The following IRS1 variants were observed in gnomAD, a reference collection of about 807,000 sequenced individuals.
IRS1 encodes insulin receptor substrate 1.
IRS1 carries 34 observed loss-of-function variants against 65.6 expected under a neutral mutation model. That is an observed-to-expected ratio of 0.52 (90% CI 0.39 to 0.69). IRS1 has a LOEUF of 0.69. IRS1 is among the 30% of genes least tolerant of loss of function. IRS1 has a pLI of 0.00. For synonymous variants in IRS1, 699 were observed against 683.5 expected (o/e 1.02, Z -0.35); for missense variants, 1,641 against 1,720.2 (o/e 0.95, Z 0.81).
In IRS1 at chr2:226,772,376, G is replaced by T. The variant is rs115730618; in HGVS notation, c.*21+22613C>A. Among the ~76,000 whole-genome samples, 437 of 152,294 alleles carry T rather than the reference G, an allele frequency of 2.9e-3. 1 individual carries two copies. The highest frequency in any genetic ancestry group is 9.8e-3 in the African/African-American group (409 of 41,572). On this transcript the variant is annotated intron_variant, in intron 1 of 1. Coordinates refer to ENST00000305123, the MANE Select transcript of IRS1 (RefSeq NM_005544.3). ...GAACCAGAAAATCAGGTCAAGGAAT[G>T]ACAGTTCCCAGGAGGTGGCAGAATC...
At chr2:226,791,211 G>C (rs368566294) in intron 1 of IRS1, among the ~76,000 whole-genome samples, 1 of 152,136 alleles carries the variant, frequency 6.6e-6, no homozygotes, top group Non-Finnish European at 1.5e-5. Flanking sequence ...AGCACTCGCA[G>C]GTCTCTCTCC....
At position 226,797,164 on chromosome 2, in the gene IRS1, A is replaced by C. The variant is rs754058736; in HGVS notation, c.1575T>G (p.Thr525=). 1 of 1,613,928 alleles carries C rather than the reference A, an allele frequency of 6.2e-7. No individual in the cohort carries two copies. The highest frequency in any genetic ancestry group is 8.5e-7 in the Non-Finnish European group (1 of 1,179,996). The part of the protein sequence containing the change: ...ADLDNRFRKR[T]HSAGTSPTIT... ...TGGTAGGGGATGTGCCTGCCGAGTGAGTTCTCTTTCGGAACCGATTATCCA... is the reference window on the plus strand; with the variant it reads ...TGGTAGGGGATGTGCCTGCCGAGTGCGTTCTCTTTCGGAACCGATTATCCA... The change falls in exon 1 of 2, where the codon ACT becomes ACG. Residue 525 remains threonine, a synonymous_variant. Transcript: ENST00000305123. The surrounding 1 kb of genome is among the most constrained non-coding windows in gnomAD (Gnocchi z 8.1).
chr2:226,781,996 A>T (rs1013343300), intron 1 of IRS1, among the ~76,000 whole-genome samples: 1 of 152,030 alleles, frequency 6.6e-6, no homozygotes, highest in African/African-American at 2.4e-5. Context: ...AAATTAATTT[A>T]TTACCTATTC....
Position 226,795,340 on chromosome 2 carries a change from GCTGCTGCTACCGCCACCGCCCCCTA to G in IRS1, c.3374_3398del (p.Val1125AlafsTer6). The G allele has an allele frequency of 2.5e-6, 4 of 1,613,238 alleles. No homozygotes were observed. The highest frequency in any genetic ancestry group is 2.5e-6 in the Non-Finnish European group (3 of 1,180,006). ...TGTGGCGTTTCACATCCTCGCTGCT[GCTGCTGCTACCGCCACCGCCCCCTA>G]CTGCTGCCCCCGCTCCAAAGGGCAC... On this transcript the variant is annotated frameshift_variant, in exon 1 of 2. Coordinates refer to ENST00000305123, the MANE Select transcript of IRS1 (RefSeq NM_005544.3). LOFTEE classifies it high-confidence loss of function.
rs188071335 is a variant in IRS1, at chr2:226,738,577, A to G, written c.*22-2327T>C. 6.6e-4 allele frequency among the ~76,000 whole-genome samples: 100 copies of G among 152,344 alleles called. 1 individual carries two copies. In the South Asian group the frequency reaches 7.5e-3, roughly 11 times the overall value. On this transcript the variant is annotated intron_variant, in intron 1 of 1. Coordinates refer to ENST00000305123, the MANE Select transcript of IRS1 (RefSeq NM_005544.3). ...TTCCAAGTTTGCCCCTTTAATTGCCAGAGAAACAGGATTTACTCTGTGTGT... is the reference window on the plus strand; with the variant it reads ...TTCCAAGTTTGCCCCTTTAATTGCCGGAGAAACAGGATTTACTCTGTGTGT...
Position 226,797,412 on chromosome 2 carries a change from G to A in IRS1, c.1327C>T (p.Arg443Cys), listed in dbSNP as rs775603579. 15 of 1,612,588 alleles carry A rather than the reference G, an allele frequency of 9.3e-6. No homozygotes were observed. Among genetic ancestry groups the A allele is most frequent in the Non-Finnish European group, 1.2e-5 (14 of 1,179,480 alleles). Reference sequence around the variant, plus strand: ...CCCAGGGAATCCGGAGTGACACTGCGGAAGGAACTCCGGAAATCGCAGGGA... The same window carrying A: ...CCCAGGGAATCCGGAGTGACACTGCAGAAGGAACTCCGGAAATCGCAGGGA... ...SSPCDFRSSFRSVTPDSLGHT... is the reference protein window; with the variant it reads ...SSPCDFRSSFCSVTPDSLGHT... The change falls in exon 1 of 2, where the codon CGC becomes TGC. Residue 443 changes from arginine (R) to cysteine (C), a missense_variant. Arg to Cys is a radical substitution (Grantham distance 180). Around this residue, in one of 3 missense-constraint regions of IRS1, gnomAD observed 1,324 missense variants for 1,361.0 expected, o/e 0.97. Coordinates refer to ENST00000305123, the MANE Select transcript of IRS1 (RefSeq NM_005544.3). This position sits in a 1 kb window ranked among gnomAD's most constrained non-coding sequence, Gnocchi z 8.1.
intron 1 of IRS1, among the ~76,000 whole-genome samples, chr2:226,772,974 C>T (rs1348742235): frequency 1.3e-5 from 2 of 152,158 alleles, no homozygotes; most frequent in African/African-American, 4.8e-5. Flanking sequence ...CTCCAGAGAA[C>T]TGGTCACACT....
chr2:226,744,636 T>C (rs553350594), intron 1 of IRS1, among the ~76,000 whole-genome samples: 1 of 152,302 alleles, frequency 6.6e-6, no homozygotes, highest in Admixed American at 6.5e-5. Flanking sequence ...CACAGGAGTG[T>C]GAACCCTATC....
At chr2:226,785,108 T>A (rs577060046) in intron 1 of IRS1, among the ~76,000 whole-genome samples, 1 of 152,316 alleles carries the variant, frequency 6.6e-6, no homozygotes, top group African/African-American at 2.4e-5. Flanking sequence ...ATTAATTCTT[T>A]TGAGCACTGA....
Position 226,735,692 on chromosome 2 carries a change from C to T in IRS1, c.*580G>A, listed in dbSNP as rs934958781. 2 of 152,594 alleles carry T rather than the reference C, an allele frequency of 1.3e-5. No individual in the cohort carries two copies. The highest frequency in any genetic ancestry group is 2.4e-5 in the African/African-American group (1 of 41,442). 9.5% of individuals were successfully genotyped at this position (152,594 alleles called of 1,614,324 possible). On this transcript the variant is annotated 3_prime_UTR_variant, in exon 2 of 2. Coordinates refer to ENST00000305123, the MANE Select transcript of IRS1 (RefSeq NM_005544.3). ...TTTTAAGCCTTGTTTTAAGCATTTG[C>T]TCCACTCTTTACAACAGAACATTGT...
rs1939664029 is a variant in IRS1, at chr2:226,794,259, A to G, written c.*21+730T>C. ...ACAGAGTTTCCTGCATATCCTGTACAAGAGAGGCCAGGCCCGTGGGATGGT... is the reference window on the plus strand; with the variant it reads ...ACAGAGTTTCCTGCATATCCTGTACGAGAGAGGCCAGGCCCGTGGGATGGT... On this transcript the variant is annotated intron_variant, in intron 1 of 1. Transcript: ENST00000305123. This position sits in a 1 kb window ranked among gnomAD's most constrained non-coding sequence, Gnocchi z 4.1. Among the ~76,000 whole-genome samples the G allele has an allele frequency of 6.6e-6, 1 of 152,138 alleles. No homozygotes were observed. Among genetic ancestry groups the G allele is most frequent in the Non-Finnish European group, 1.5e-5 (1 of 68,040 alleles).
chr2:226,776,626 G>A (rs556668688), intron 1 of IRS1, among the ~76,000 whole-genome samples: 170 of 152,284 alleles, frequency 1.1e-3, no homozygotes, highest in African/African-American at 3.7e-3. Flanking sequence ...GTAATCCTTG[G>A]TTGGGTGCTG....
intron 1 of IRS1, among the ~76,000 whole-genome samples, chr2:226,748,568 A>C (rs1398096291): frequency 6.6e-6 from 1 of 152,196 alleles, no homozygotes; most frequent in African/African-American, 2.4e-5. Context: ...CTATTCCTAA[A>C]TCAGAACACT....
intron 1 of IRS1, among the ~76,000 whole-genome samples, chr2:226,766,131 AT>A: frequency 3.0e-4 from 1 of 3,316 alleles, no homozygotes; most frequent in East Asian, 4.8e-3. Flanking sequence ...TTATATATAT[AT>A]ATATATATAT....
At position 226,750,892 on chromosome 2, in the gene IRS1, C is replaced by T. The variant is rs942767065; in HGVS notation, c.*22-14642G>A. Among the ~76,000 whole-genome samples, 3 of 152,170 alleles carry T rather than the reference C, an allele frequency of 2.0e-5. No individual in the cohort carries two copies. In the South Asian group the frequency reaches 6.2e-4, roughly 32 times the overall value. On this transcript the variant is annotated intron_variant, in intron 1 of 1. Transcript: ENST00000305123. ...GGGTGGGGTCTAAGATTCTGCCTTT[C>T]TAACCAGCTTACAAGTGACCCCAGT...
At chr2:226,743,993 A>C (rs1480929887) in intron 1 of IRS1, among the ~76,000 whole-genome samples, 1 of 152,210 alleles carries the variant, frequency 6.6e-6, no homozygotes, top group East Asian at 1.9e-4. Context: ...AAATTGCTTC[A>C]AGAAAGCAAG....
intron 1 of IRS1, among the ~76,000 whole-genome samples, chr2:226,740,578 A>G (rs1938417451): frequency 6.6e-6 from 1 of 152,236 alleles, no homozygotes; most frequent in Admixed American, 6.5e-5. Flanking sequence ...TATAAGTGTG[A>G]TGGAAAGATC....
rs1225332345 is a variant in IRS1 at position 226,796,222 on chromosome 2, G to T, written c.2517C>A (p.Pro839=). ...LPHPHHQVLQ[P]HLPRKVDTAA... ...CTGTGTCCACCTTTCGAGGCAGATG[G>T]GGCTGCAGAACCTGATGGTGGGGAT... The change falls in exon 1 of 2, where the codon CCC becomes CCA. Residue 839 remains proline, a synonymous_variant. Transcript: ENST00000305123. The T allele has an allele frequency of 2.5e-6, 4 of 1,613,268 alleles. No individual in the cohort carries two copies. The highest frequency in any genetic ancestry group is 3.4e-6 in the Non-Finnish European group (4 of 1,179,798).
At chr2:226,771,917 C>T (rs906601936) in intron 1 of IRS1, among the ~76,000 whole-genome samples, 3 of 152,184 alleles carry the variant, frequency 2.0e-5, no homozygotes, top group Non-Finnish European at 4.4e-5. Flanking sequence ...CTGATTTATA[C>T]TTACAGCTTG....
Sources: allele counts gnomAD v4.1 joint callset (sites outside exome capture counted in the v4.1 genomes callset), GRCh38; gene constraint gnomAD v4.1.1; regional missense constraint gnomAD v4.1.1; non-coding constraint Gnocchi (gnomAD v3.1); transcripts MANE v1.5; gene names NCBI Gene and HGNC (gene_info 2026-07-23, HGNC 2026-07-21).